Variants in RHOU observed in about 807,000 individuals in gnomAD.
The protein encoded by RHOU is rho-related GTP-binding protein RhoU.
In RHOU, 8 loss-of-function variants were observed where a neutral mutation model predicts 12.6. The ratio of observed to expected loss-of-function variants is 0.64; its 90% confidence interval spans 0.37 to 1.15. The LOEUF (loss-of-function observed/expected upper bound fraction) is 1.15, where lower values mean the gene tolerates loss of function less well. Among genes scored for constraint, RHOU ranks in the 50% most tolerant of loss-of-function variants. The pLI is 0.01. For synonymous variants in RHOU, 161 were observed against 147.4 expected (o/e 1.09, Z -0.67); for missense variants, 258 against 347.0 (o/e 0.74, Z 2.04).
Position 228,737,077 on chromosome 1 carries a change from C to G in RHOU, c.263-596C>G, listed in dbSNP as rs893399206. Among the ~76,000 whole-genome samples the G allele has an allele frequency of 6.6e-6, 1 of 152,208 alleles. No homozygotes were observed. Among genetic ancestry groups the G allele is most frequent in the East Asian group, 1.9e-4 (1 of 5,196 alleles). On this transcript the variant is annotated intron_variant, in intron 1 of 2. Transcript: ENST00000366691. The surrounding 1 kb of genome is among the most constrained non-coding windows in gnomAD (Gnocchi z 4.1). ...CTGCTGCAGGCCTCTCCACACTCCCCGAGTCCCCGGATCCCAGTGGAAAGG... is the reference window on the plus strand; with the variant it reads ...CTGCTGCAGGCCTCTCCACACTCCCGGAGTCCCCGGATCCCAGTGGAAAGG...
chr1:228,704,744 C>T, the RHOU span, among the ~76,000 whole-genome samples: 4 of 152,024 alleles, frequency 2.6e-5, no homozygotes, highest in Non-Finnish European at 5.9e-5. Context: ...AGGGGTCAGC[C>T]ACTGTTTCTG....
At chr1:228,660,353 AT>A in the RHOU span, among the ~76,000 whole-genome samples, 44 of 150,890 alleles carry the variant, frequency 2.9e-4, 1 homozygote, top group African/African-American at 1.1e-3. Flanking sequence ...ACCGAAAAAA[AT>A]AAAAAAAAAA....
chr1:228,687,788 A>C, the RHOU span: 24 of 1,345,468 alleles, frequency 1.8e-5, no homozygotes, highest in South Asian at 2.7e-4. Flanking sequence ...AATACCTCTT[A>C]GACAAGCACA....
the RHOU span, among the ~76,000 whole-genome samples, chr1:228,693,910 T>C: frequency 0.2 from 30,044 of 152,226 alleles, 3,197 homozygotes; most frequent in South Asian, 0.29. Context: ...TAGAATAATA[T>C]TTTAGAGCTA....
the RHOU span, among the ~76,000 whole-genome samples, chr1:228,707,257 T>TATA: frequency 3.2e-4 from 13 of 40,400 alleles, no homozygotes; most frequent in South Asian, 7.5e-4. Context: ...ATATATATAG[T>TATA]GTGTGTGTGT....
the RHOU span, among the ~76,000 whole-genome samples, chr1:228,667,516 C>A: frequency 3.3e-5 from 5 of 152,190 alleles, no homozygotes; most frequent in Admixed American, 3.3e-4. Context: ...ATGCTGGGAA[C>A]TTCACAGTTG....
At chr1:228,696,608 G>A in the RHOU span, among the ~76,000 whole-genome samples, 1 of 152,102 alleles carries the variant, frequency 6.6e-6, no homozygotes, top group African/African-American at 2.4e-5. Context: ...GTGCAGTGGT[G>A]CTATCACAGC....
In RHOU at chr1:228,745,945, TGGA is replaced by T. The variant is rs1360041924; in HGVS notation, c.*2208_*2210del. Reference sequence around the variant, plus strand: ...TGTATGGGGCTGCAGTTGGTCTCCCTGGAGGGGACTTCCACACCTCCTGCCTTT... The same window carrying T: ...TGTATGGGGCTGCAGTTGGTCTCCCTGGGGACTTCCACACCTCCTGCCTTT... On this transcript the variant is annotated 3_prime_UTR_variant, in exon 3 of 3. Transcript: ENST00000366691. The T allele has an allele frequency of 6.6e-6, 1 of 152,284 alleles. No homozygotes were observed. Among genetic ancestry groups the T allele is most frequent in the Non-Finnish European group, 1.5e-5 (1 of 68,068 alleles). 9.4% of individuals were successfully genotyped at this position (152,284 alleles called of 1,614,324 possible).
chr1:228,647,582 G>T, the RHOU span, among the ~76,000 whole-genome samples: 3,499 of 152,286 alleles, frequency 0.023, 112 homozygotes, highest in East Asian at 0.093. Flanking sequence ...CCCTTCCCCC[G>T]GTTTATAAGG....
the RHOU span, among the ~76,000 whole-genome samples, chr1:228,685,181 G>A: frequency 6.6e-6 from 1 of 152,166 alleles, no homozygotes; most frequent in Non-Finnish European, 1.5e-5. Context: ...CTTGGTATTG[G>A]TGGGTTTTGG....
the RHOU span, among the ~76,000 whole-genome samples, chr1:228,673,162 T>C: frequency 6.6e-6 from 1 of 152,274 alleles, no homozygotes. Context: ...AAATAGAACA[T>C]TCTTAGTATC....
At chr1:228,665,476 A>G in the RHOU span, among the ~76,000 whole-genome samples, 1 of 152,184 alleles carries the variant, frequency 6.6e-6, no homozygotes, top group Non-Finnish European at 1.5e-5. Context: ...ATGGGTTGCC[A>G]GCTCCCTCAA....
the RHOU span, among the ~76,000 whole-genome samples, chr1:228,723,086 A>G: frequency 5.9e-5 from 9 of 151,940 alleles, no homozygotes; most frequent in Admixed American, 5.9e-4. Context: ...ATCTCTTTCT[A>G]TCTGGCAGCC....
the RHOU span, chr1:228,650,197 T>TCA: frequency 2.2e-6 from 1 of 456,796 alleles, no homozygotes; most frequent in Non-Finnish European, 4.4e-6. Context: ...TGCAGCCCCA[T>TCA]GGGTCGCCCA....
the RHOU span, chr1:228,650,558 T>A: frequency 1.1e-4 from 48 of 456,828 alleles, no homozygotes; most frequent in Admixed American, 2.6e-4. Flanking sequence ...CGGCGGGTTG[T>A]CCTCACCTCA....
At chr1:228,664,111 C>T in the RHOU span, among the ~76,000 whole-genome samples, 1 of 150,840 alleles carries the variant, frequency 6.6e-6, no homozygotes, top group Admixed American at 6.6e-5. Flanking sequence ...CTTGACCTCT[C>T]GGGCTCGCGT....
the RHOU span, among the ~76,000 whole-genome samples, chr1:228,720,735 G>A: frequency 2.4e-4 from 36 of 152,282 alleles, no homozygotes; most frequent in East Asian, 6.0e-3. Context: ...TGTTACTGTG[G>A]CCCTAGCAAA....
rs1363493693 is a variant in RHOU, at chr1:228,735,857, CG to C, written c.120del (p.Arg41ValfsTer27). 2 of 1,347,896 alleles carry C rather than the reference CG, an allele frequency of 1.5e-6. No individual in the cohort carries two copies. Among genetic ancestry groups the C allele is most frequent in the Non-Finnish European group, 9.7e-7 (1 of 1,034,594 alleles). 83.5% of individuals were successfully genotyped at this position (1,347,896 alleles called of 1,614,324 possible). A position where few individuals can be genotyped will look rare whatever the true frequency, so the allele number is the denominator to read the frequency against. On this transcript the variant is annotated frameshift_variant, in exon 1 of 3. Transcript: ENST00000366691. LOFTEE classifies it high-confidence loss of function. The surrounding 1 kb of genome is among the most constrained non-coding windows in gnomAD (Gnocchi z 8.1). ...ACGCGGGCCTGGGGAGCCGGGGGGC[CG>C]GGGGCGTGCGGGGGGTGCCGAGGGG... ...GGRGPGEPGG[R>X]GRAGGAEGRG...
chr1:228,713,764 C>A, the RHOU span, among the ~76,000 whole-genome samples: 3 of 152,172 alleles, frequency 2.0e-5, no homozygotes, highest in Non-Finnish European at 4.4e-5. Context: ...ATGGGCAAAA[C>A]AACCTGGGGC....
Sources: allele counts gnomAD v4.1 joint callset (sites outside exome capture counted in the v4.1 genomes callset), GRCh38; gene constraint gnomAD v4.1.1; non-coding constraint Gnocchi (gnomAD v3.1); transcripts MANE v1.5; gene names NCBI Gene and HGNC (gene_info 2026-07-23, HGNC 2026-07-21).